The following TEX9 variants were observed in gnomAD, a reference collection of about 807,000 sequenced individuals.
TEX9 encodes the protein testis-expressed protein 9.
A neutral mutation model predicts 59.6 loss-of-function variants in TEX9; 74 were observed. The observed-to-expected ratio is 1.24, with a 90% CI of 1.03 to 1.51. The LOEUF (loss-of-function observed/expected upper bound fraction) is 1.51, where lower values mean the gene tolerates loss of function less well. TEX9 is among the 40% of genes most tolerant of loss of function. The pLI, the probability that TEX9 is intolerant of heterozygous loss-of-function variation, is 0.00. For missense variants in TEX9, 522 were observed against 447.8 expected (o/e 1.17, Z -1.49); for synonymous variants, 186 against 152.2 (o/e 1.22, Z -1.64).
chr15:56,413,028 C>T (rs923190928), intron 10 of TEX9, among the ~76,000 whole-genome samples: 2 of 151,970 alleles, frequency 1.3e-5, no homozygotes, highest in Admixed American at 1.3e-4. Context: ...AATTAGCATT[C>T]GGTGCCTTAA....
upstream of TEX9, among the ~76,000 whole-genome samples, chr15:56,361,969 A>C (rs1242554377): frequency 1.3e-5 from 2 of 149,042 alleles, no homozygotes; most frequent in Non-Finnish European, 2.9e-5. Context: ...TGAGACAATA[A>C]ATTTCTGTTG....
At chr15:56,444,735 T>A in intron 12 of TEX9, 12 of 1,287,652 alleles carry the variant, frequency 9.3e-6, no homozygotes, top group Non-Finnish European at 1.3e-5. Flanking sequence ...GATAGTATAT[T>A]TTACACCAAT....
the TEX9 span, among the ~76,000 whole-genome samples, chr15:56,454,019 A>C: frequency 0.32 from 48,960 of 152,008 alleles, 8,468 homozygotes; most frequent in Middle Eastern, 0.5. Flanking sequence ...TTTCTGCATG[A>C]CAGTGAAAAT....
At chr15:56,377,820 A>G (rs1448900835) in intron 3 of TEX9, among the ~76,000 whole-genome samples, 2 of 152,138 alleles carry the variant, frequency 1.3e-5, no homozygotes, top group African/African-American at 4.8e-5. Flanking sequence ...AAAGACGGTC[A>G]GTTTTTCCCA....
In TEX9 at chr15:56,339,383, C is replaced by CAAAAAAAAAAAAAAA. The variant is rs71456382; in HGVS notation, c.-106-34041_-106-34027dup. Among the ~76,000 whole-genome samples the CAAAAAAAAAAAAAAA allele has an allele frequency of 6.8e-4, 21 of 30,756 alleles. 1 individual carries two copies. The highest frequency in any genetic ancestry group is 1.5e-3 in the East Asian group (2 of 1,318). 20.2% of individuals were successfully genotyped at this position (30,756 alleles called of 152,430 possible). On this transcript the variant is annotated intron_variant, in intron 1 of 5. Coordinates refer to the TEX9 transcript ENST00000560827. ...GGGTGTCAGAGCAAGACTCCTTCTCCAAAAAAAAAAAAAAAAAAAAAAAAA... is the reference window on the plus strand; with the variant it reads ...GGGTGTCAGAGCAAGACTCCTTCTCCAAAAAAAAAAAAAAAAAAAAAAAAAAAAAAAAAAAAAAAA...
At chr15:56,431,645 T>C (rs2050599880) in intron 12 of TEX9, 1 of 567,972 alleles carries the variant, frequency 1.8e-6, no homozygotes, top group Non-Finnish European at 2.7e-6. Context: ...ATATATATTT[T>C]TAAAATATAT....
At position 56,345,054 on chromosome 15, in the gene TEX9, T is replaced by C. The variant is rs529514506; in HGVS notation, c.-106-28387T>C. On this transcript the variant is annotated intron_variant, in intron 1 of 5. Transcript: ENST00000560827. ...ATCTATCTGGATATATATATATATA[T>C]ATACACACACACATATATATATGTA... 2.8e-5 allele frequency among the ~76,000 whole-genome samples: 4 copies of C among 143,706 alleles called. No individual in the cohort carries two copies. In the South Asian group the frequency reaches 6.5e-4, roughly 23 times the overall value. The allele number at this position is 143,706 out of a possible 152,430, so 94.3% of individuals were successfully genotyped here. A position where few individuals can be genotyped will look rare whatever the true frequency, so the allele number is the denominator to read the frequency against.
At chr15:56,430,794 C>G (rs1486900454) in intron 12 of TEX9, among the ~76,000 whole-genome samples, 1 of 152,190 alleles carries the variant, frequency 6.6e-6, no homozygotes, top group Non-Finnish European at 1.5e-5. Context: ...CATACACATT[C>G]TCATCTTTGG....
At chr15:56,248,426 T>C (rs1297326671) in intron 1 of TEX9, among the ~76,000 whole-genome samples, 1 of 152,178 alleles carries the variant, frequency 6.6e-6, no homozygotes, top group Non-Finnish European at 1.5e-5. Flanking sequence ...ACACTGTCAC[T>C]ACCTGGCTAT....
chr15:56,325,929 C>T lies in TEX9; in HGVS notation c.-106-47512C>T, dbSNP rs139392339. 8.7e-3 allele frequency among the ~76,000 whole-genome samples: 1,330 copies of T among 152,292 alleles called. 7 individuals are homozygous for T. Among genetic ancestry groups the T allele is most frequent in the Middle Eastern group, 0.034 (10 of 294 alleles). On this transcript the variant is annotated intron_variant, in intron 1 of 5. Coordinates refer to the TEX9 transcript ENST00000560827. ...GCACAAGGTGCTTCAATGATTCCTT[C>T]ACTCATGTCTCAAGGTCTGATAATG...
intron 9 of TEX9, chr15:56,395,569 T>A (rs1461533963): frequency 1.3e-5 from 2 of 152,196 alleles, no homozygotes; most frequent in African/African-American, 4.8e-5. Flanking sequence ...AACCTGCCTG[T>A]ACCATTTTAC....
intron 9 of TEX9, among the ~76,000 whole-genome samples, chr15:56,405,909 G>T (rs1178787563): frequency 6.6e-6 from 1 of 151,924 alleles, no homozygotes; most frequent in Non-Finnish European, 1.5e-5. Context: ...CTTCAGCATT[G>T]GATTTTGTTT....
At chr15:56,310,723 G>A (rs2045591549) in intron 1 of TEX9, among the ~76,000 whole-genome samples, 1 of 152,114 alleles carries the variant, frequency 6.6e-6, no homozygotes, top group Non-Finnish European at 1.5e-5. Flanking sequence ...AATCAGAATA[G>A]CAAGTCTTCT....
intron 12 of TEX9, among the ~76,000 whole-genome samples, chr15:56,436,393 G>A (rs2050725473): frequency 6.6e-6 from 1 of 152,128 alleles, no homozygotes. Flanking sequence ...AAATAAAGAT[G>A]TTCTTTGAAA....
intron 9 of TEX9, among the ~76,000 whole-genome samples, chr15:56,399,288 C>T (rs1450734366): frequency 1.3e-5 from 2 of 152,220 alleles, no homozygotes; most frequent in Admixed American, 6.5e-5. Context: ...TCTTAGCAAC[C>T]GGCAGACAAG....
At chr15:56,246,596 A>G (rs1285554350) in intron 1 of TEX9, among the ~76,000 whole-genome samples, 1 of 152,142 alleles carries the variant, frequency 6.6e-6, no homozygotes, top group Non-Finnish European at 1.5e-5. Context: ...TGATTGTGCA[A>G]CCCTGTACTG....
chr15:56,374,906 T>C (rs2047361548), intron 3 of TEX9, among the ~76,000 whole-genome samples: 1 of 152,218 alleles, frequency 6.6e-6, no homozygotes, highest in African/African-American at 2.4e-5. Context: ...TGAATAGTAC[T>C]CCATTGTGTA....
chr15:56,322,727 CCAGAGT>C (rs2045929763), intron 1 of TEX9, among the ~76,000 whole-genome samples: 1 of 152,054 alleles, frequency 6.6e-6, no homozygotes, highest in Non-Finnish European at 1.5e-5. Context: ...TTTTACTAAT[CCAGAGT>C]CAAAGTTTTG....
chr15:56,439,055 A>G (rs538051165), intron 12 of TEX9, among the ~76,000 whole-genome samples: 2 of 152,156 alleles, frequency 1.3e-5, no homozygotes, highest in African/African-American at 4.8e-5. Context: ...CTATGTAGGG[A>G]AAAAAAATCC....
Sources: gnomAD v4.1 joint callset for allele counts (sites outside exome capture counted in the v4.1 genomes callset) on GRCh38, gnomAD v4.1.1 for gene constraint, MANE v1.5 for transcripts, NCBI Gene and HGNC (gene_info 2026-07-23, HGNC 2026-07-21) for gene names.